GULP1: variants seen among roughly 807,000 people sequenced by gnomAD.
GULP1 encodes the protein GULP PTB domain containing engulfment adaptor 1, also known as PTB domain-containing engulfment adapter protein 1.
A neutral mutation model predicts 40.9 loss-of-function variants in GULP1; 19 were observed. The observed-to-expected ratio is 0.46, with a 90% CI of 0.32 to 0.68. The LOEUF (loss-of-function observed/expected upper bound fraction) is 0.68, where lower values mean the gene tolerates loss of function less well. Among genes scored for constraint, GULP1 ranks in the 30% least tolerant of loss-of-function variants. The pLI, the probability that GULP1 is intolerant of heterozygous loss-of-function variation, is 0.03. For missense variants in GULP1, 312 were observed against 362.2 expected, an observed-to-expected ratio of 0.86 and a Z score of 1.12; for synonymous variants, 119 against 117.6, an observed-to-expected ratio of 1.01 and a Z score of -0.08.
chr2:188,572,612 T>C (rs1269040780), intron 9 of GULP1, among the ~76,000 whole-genome samples: 4 of 152,226 alleles, frequency 2.6e-5, no homozygotes, highest in Non-Finnish European at 4.4e-5. Context: ...ACTTTTTCTT[T>C]AACTTTAAAA....
At chr2:188,344,049 G>GC (rs1180778304) in intron 1 of GULP1, among the ~76,000 whole-genome samples, 4 of 151,982 alleles carry the variant, frequency 2.6e-5, no homozygotes, top group East Asian at 1.9e-4. Flanking sequence ...CCTCAAGTGA[G>GC]CCCCCGCCTC....
chr2:188,482,597 C>A (rs1262899961), intron 3 of GULP1, among the ~76,000 whole-genome samples: 1 of 151,724 alleles, frequency 6.6e-6, no homozygotes, highest in African/African-American at 2.4e-5. Flanking sequence ...TAAATGTTAA[C>A]ATTTTTTTCT....
intron 9 of GULP1, among the ~76,000 whole-genome samples, chr2:188,579,274 A>G (rs957854966): frequency 6.6e-5 from 10 of 152,266 alleles, no homozygotes; most frequent in African/African-American, 1.9e-4. Flanking sequence ...CAGATATTCA[A>G]TACCACTCAA....
intron 1 of GULP1, among the ~76,000 whole-genome samples, chr2:188,308,024 G>A (rs1385691955): frequency 2.5e-5 from 1 of 39,912 alleles, no homozygotes; most frequent in African/African-American, 8.4e-5. Flanking sequence ...TAAACTGGGT[G>A]TCATTGTGCC....
chr2:188,447,392 C>G (rs569847612), intron 2 of GULP1, among the ~76,000 whole-genome samples: 1 of 152,160 alleles, frequency 6.6e-6, no homozygotes, highest in East Asian at 1.9e-4. Context: ...TTGCCCTGGC[C>G]GAGAGGAAGA....
chr2:188,404,918 C>T (rs528774315), intron 2 of GULP1, among the ~76,000 whole-genome samples: 34 of 152,224 alleles, frequency 2.2e-4, no homozygotes, highest in African/African-American at 7.9e-4. Context: ...AGGCTTTCGA[C>T]TGTAGACACA....
rs66499080 is a variant in GULP1, at chr2:188,352,618, T to TCACACACACACACACACACACACA, written c.-171-31137_-171-31114dup. Among the ~76,000 whole-genome samples the TCACACACACACACACACACACACA allele has an allele frequency of 4.9e-3, 659 of 134,470 alleles. 10 individuals carry two copies. The highest frequency in any genetic ancestry group is 0.042 in the East Asian group (181 of 4,290). The allele number at this position is 134,470 out of a possible 152,430, so 88.2% of individuals were successfully genotyped here. A position where few individuals can be genotyped will look rare whatever the true frequency, so the allele number is the denominator to read the frequency against. On this transcript the variant is annotated intron_variant, in intron 1 of 11. Transcript: ENST00000409830. ...TGCTCTCTTTCTCTCTCTCTCTCTC[T>TCACACACACACACACACACACACA]CACACACACACACACACACACACAC...
chr2:188,458,944 G>A (rs987075748), intron 2 of GULP1, among the ~76,000 whole-genome samples: 3 of 152,076 alleles, frequency 2.0e-5, no homozygotes, highest in African/African-American at 7.2e-5. Flanking sequence ...AGATCATGGG[G>A]TGTCTGTCTT....
intron 2 of GULP1, among the ~76,000 whole-genome samples, chr2:188,387,725 GGAAA>G (rs2049964281): frequency 6.6e-6 from 1 of 152,062 alleles, no homozygotes; most frequent in South Asian, 2.1e-4. Flanking sequence ...TCAGGAAATT[GGAAA>G]GAGAGATTAG....
In GULP1 at chr2:188,595,174, T is replaced by C. The variant is rs1476727346; in HGVS notation, c.*1163T>C. The C allele has an allele frequency of 6.6e-6, 1 of 151,764 alleles. No individual in the cohort carries two copies. Among genetic ancestry groups the C allele is most frequent in the African/African-American group, 2.4e-5 (1 of 41,420 alleles). The allele number at this position is 151,764 out of a possible 1,614,324, so 9.4% of individuals were successfully genotyped here. A position where few individuals can be genotyped will look rare whatever the true frequency, so the allele number is the denominator to read the frequency against. On this transcript the variant is annotated 3_prime_UTR_variant, in exon 12 of 12. Transcript: ENST00000409830. ...GAACCTGGACTTTTAAAAATATTTG[T>C]TTCCTATACCTTTACCCTTTACCTA...
chr2:188,381,615 G>C (rs962702183), intron 1 of GULP1, among the ~76,000 whole-genome samples: 3 of 151,996 alleles, frequency 2.0e-5, no homozygotes, highest in African/African-American at 7.2e-5. Context: ...TCTAATTTCT[G>C]TTCATAAGAT....
chr2:188,375,223 A>G (rs2152462751), intron 1 of GULP1, among the ~76,000 whole-genome samples: 1 of 152,340 alleles, frequency 6.6e-6, no homozygotes, highest in African/African-American at 2.4e-5. Flanking sequence ...GAGTGAAATT[A>G]TATCCAATTA....
rs369445739 is a variant in GULP1, at chr2:188,343,491, A to C, written c.-171-40272A>C. Among the ~76,000 whole-genome samples the C allele has an allele frequency of 2.2e-4, 33 of 152,330 alleles. 1 individual carries two copies. Among genetic ancestry groups the C allele is most frequent in the African/African-American group, 7.9e-4 (33 of 41,576 alleles). Reference sequence around the variant, plus strand: ...TTATCTGATAGCATCGTGACTATATAGTTTATAAGGTAATAGTAAAAGATC... The same window carrying C: ...TTATCTGATAGCATCGTGACTATATCGTTTATAAGGTAATAGTAAAAGATC... On this transcript the variant is annotated intron_variant, in intron 1 of 11. Coordinates refer to ENST00000409830, the MANE Select transcript of GULP1 (RefSeq NM_016315.4).
At chr2:188,358,871 G>T (rs536983307) in intron 1 of GULP1, among the ~76,000 whole-genome samples, 2 of 152,170 alleles carry the variant, frequency 1.3e-5, no homozygotes, top group African/African-American at 4.8e-5. Flanking sequence ...CATTTCTAAT[G>T]AGTAAATATT....
rs558442945 is a variant in GULP1, at chr2:188,589,533, A to AT, written c.843+1588dup. 238 of 365,862 alleles carry AT rather than the reference A, an allele frequency of 6.5e-4. 1 individual carries two copies. The highest frequency in any genetic ancestry group is 4.3e-3 in the African/African-American group (204 of 47,466). The allele number at this position is 365,862 out of a possible 1,614,324, so 22.7% of individuals were successfully genotyped here. Reference sequence around the variant, plus strand: ...GAGTACTTCTCTAAAAATTTTTTAGATTTTCCCAAAATTGGAAAAAAAATT... The same window carrying AT: ...GAGTACTTCTCTAAAAATTTTTTAGATTTTTCCCAAAATTGGAAAAAAAATT... On this transcript the variant is annotated intron_variant, in intron 11 of 11. Transcript: ENST00000409830.
At chr2:188,410,333 T>G (rs1207616821) in intron 2 of GULP1, among the ~76,000 whole-genome samples, 1 of 151,796 alleles carries the variant, frequency 6.6e-6, no homozygotes, top group African/African-American at 2.4e-5. Flanking sequence ...AAGGCAAGAG[T>G]AGGCAAATGG....
At chr2:188,527,215 A>G (rs1686392505) in intron 5 of GULP1, among the ~76,000 whole-genome samples, 1 of 152,022 alleles carries the variant, frequency 6.6e-6, no homozygotes, top group African/African-American at 2.4e-5. Flanking sequence ...CAGGGGGAAA[A>G]AATTTAAAAG....
intron 2 of GULP1, among the ~76,000 whole-genome samples, chr2:188,407,784 G>A (rs559772679): frequency 2.0e-5 from 3 of 151,878 alleles, no homozygotes; most frequent in Non-Finnish European, 2.9e-5. Context: ...GTAATAAATC[G>A]TTTCCTATCA....
At position 188,529,206 on chromosome 2, in the gene GULP1, T is replaced by A. The variant is rs766623522; in HGVS notation, c.261+11T>A. On this transcript the variant is annotated intron_variant, in intron 6 of 11. Coordinates refer to ENST00000409830, the MANE Select transcript of GULP1 (RefSeq NM_016315.4). ...GAACCCAAAACAAAGGTAAGGCTTT[T>A]TTTTTAATGTTAGAGGCAATCTTTA... 9.0e-6 allele frequency: 11 copies of A among 1,218,222 alleles called. No homozygotes were observed. Among genetic ancestry groups the A allele is most frequent in the Non-Finnish European group, 1.3e-5 (11 of 842,804 alleles). 75.5% of individuals were successfully genotyped at this position (1,218,222 alleles called of 1,614,324 possible).
Sources: allele counts gnomAD v4.1 joint callset (sites outside exome capture counted in the v4.1 genomes callset), GRCh38; gene constraint gnomAD v4.1.1; transcripts MANE v1.5; gene names NCBI Gene and HGNC (gene_info 2026-07-23, HGNC 2026-07-21).